The following STIM1 variants were observed in gnomAD, a reference collection of about 807,000 sequenced individuals.
STIM1 encodes the protein stromal interaction molecule 1.
A neutral mutation model predicts 74.7 loss-of-function variants in STIM1; 25 were observed. The ratio of observed to expected loss-of-function variants is 0.33; its 90% confidence interval spans 0.24 to 0.47. STIM1 has a LOEUF of 0.47. STIM1 is among the 20% of genes least tolerant of loss of function. The pLI is 1.00. For synonymous variants in STIM1, 328 were observed against 348.8 expected, an observed-to-expected ratio of 0.94 and a Z score of 0.66; for missense variants, 728 against 920.8, an observed-to-expected ratio of 0.79 and a Z score of 2.71.
chr11:3,904,252 C>T (rs900157836), intron 1 of STIM1, among the ~76,000 whole-genome samples: 12 of 145,422 alleles, frequency 8.3e-5, no homozygotes, highest in African/African-American at 2.8e-4. Context: ...GAAGGAGGGT[C>T]TAAATACTTA....
At chr11:4,012,282 G>A (rs1019126777) in intron 2 of STIM1, among the ~76,000 whole-genome samples, 10 of 152,146 alleles carry the variant, frequency 6.6e-5, no homozygotes, top group African/African-American at 2.2e-4. Context: ...TAGCTTGATG[G>A]GGATAGCATT....
At chr11:4,024,180 T>C (rs1372338391) in intron 3 of STIM1, among the ~76,000 whole-genome samples, 193 bp downstream of exon 3, 2 of 152,086 alleles carry the variant, frequency 1.3e-5, no homozygotes, top group African/African-American at 2.4e-5. Context: ...TTCTCCAGAG[T>C]TGGCGTTTTT....
intron 3 of STIM1, among the ~76,000 whole-genome samples, chr11:4,037,330 C>T (rs974799169): frequency 2.0e-5 from 3 of 152,126 alleles, no homozygotes; most frequent in Non-Finnish European, 2.9e-5. Flanking sequence ...GAATTACAGG[C>T]GTGAGCCACT....
intron 3 of STIM1, among the ~76,000 whole-genome samples, chr11:4,027,569 C>T (rs759299801): frequency 1.3e-5 from 2 of 152,164 alleles, no homozygotes; most frequent in South Asian, 2.1e-4. Context: ...CCACCTCGGC[C>T]TCCCAAAGTG....
intron 2 of STIM1, among the ~76,000 whole-genome samples, chr11:4,002,927 A>G (rs1182845714): frequency 2.1e-5 from 3 of 141,258 alleles, no homozygotes; most frequent in Non-Finnish European, 4.7e-5. Flanking sequence ...TCCCACAGAA[A>G]TACAAACTAC....
chr11:3,856,382 G>C lies in STIM1; in HGVS notation c.112G>C (p.Ala38Pro), dbSNP rs774499633. 1.2e-6 allele frequency: 2 copies of C among 1,614,008 alleles called. No individual in the cohort carries two copies. Among genetic ancestry groups the C allele is most frequent in the African/African-American group, 2.7e-5 (2 of 74,944 alleles). ...SEKATGTSSG[A>P]NSEESTAAEF... ...GAAGGCGACAGGAACCAGCTCGGGG[G>C]CCAACTCTGAGGAGTCCACTGCAGC... Residue 38 changes from alanine to proline, a missense_variant, in exon 1 of 13, where the codon GCC (alanine) becomes CCC (proline). Around this residue, in one of 5 missense-constraint regions of STIM1, gnomAD observed 62 missense variants for 55.5 expected, o/e 1.12. Coordinates refer to ENST00000526596, the MANE Select transcript of STIM1 (RefSeq NM_001382567.1).
intron 2 of STIM1, among the ~76,000 whole-genome samples, chr11:3,987,737 G>A (rs2093570331): frequency 6.6e-6 from 1 of 151,852 alleles, no homozygotes; most frequent in South Asian, 2.1e-4. Context: ...AACTCCCAAT[G>A]CCTGCACTAT....
At chr11:3,866,444 T>C (rs1450621683) in intron 1 of STIM1, among the ~76,000 whole-genome samples, 1 of 151,460 alleles carries the variant, frequency 6.6e-6, no homozygotes, top group African/African-American at 2.4e-5. Flanking sequence ...TTTTTTTTTT[T>C]TGTGACAGAG....
intron 1 of STIM1, among the ~76,000 whole-genome samples, chr11:3,901,364 A>G (rs117527293): frequency 5.3e-5 from 8 of 152,120 alleles, no homozygotes; most frequent in African/African-American, 1.7e-4. Flanking sequence ...TTTATCCTCA[A>G]AAACCACCTA....
chr11:3,965,871 G>A (rs573435448), intron 1 of STIM1, among the ~76,000 whole-genome samples: 72 of 152,280 alleles, frequency 4.7e-4, no homozygotes, highest in African/African-American at 1.7e-3. Context: ...GCCGGGCGTG[G>A]TGGCGCATGC....
intron 2 of STIM1, among the ~76,000 whole-genome samples, chr11:4,015,688 A>G (rs2093889510): frequency 6.6e-6 from 1 of 152,144 alleles, no homozygotes; most frequent in African/African-American, 2.4e-5. Flanking sequence ...CACCAATCAG[A>G]CGTAGATTTG....
intron 1 of STIM1, among the ~76,000 whole-genome samples, chr11:3,896,334 T>C (rs1353250480): frequency 6.6e-6 from 1 of 152,198 alleles, no homozygotes; most frequent in Non-Finnish European, 1.5e-5. Flanking sequence ...GGTAATTTAT[T>C]TTTTAATCTC....
intron 2 of STIM1, among the ~76,000 whole-genome samples, chr11:4,008,445 C>T (rs1456885968): frequency 1.3e-5 from 2 of 152,098 alleles, no homozygotes; most frequent in African/African-American, 2.4e-5. Context: ...TATTTCTGGT[C>T]ACAAAAACAT....
chr11:4,055,548 G>C lies in STIM1; in HGVS notation c.408G>C (p.Glu136Asp), dbSNP rs200648767. ...SSEVYNWTVD[E>D]VVQWLITYVE... is the part of the protein sequence containing the mutation. The stretch of plus-strand genomic sequence containing the variant: ...CAGTATACAATTGGACCGTGGATGA[G>C]GTGGTACAGTGGCTGATCACATATG... The change falls in exon 4 of 13, where the codon GAG (glutamate) becomes GAC (aspartate). Residue 136 changes from glutamate (E) to aspartate (D), a missense_variant. Transcript: ENST00000526596. 1.0e-4 allele frequency: 163 copies of C among 1,600,730 alleles called. 1 individual carries two copies. The highest frequency in any genetic ancestry group is 9.0e-5 in the East Asian group (4 of 44,662).
At chr11:4,038,887 A>G (rs1051364842) in intron 3 of STIM1, among the ~76,000 whole-genome samples, 1 of 152,194 alleles carries the variant, frequency 6.6e-6, no homozygotes, top group Admixed American at 6.5e-5. Flanking sequence ...TAGGGCATCA[A>G]ATTTCTGGGT....
chr11:4,018,501 C>T (rs1228507190), intron 2 of STIM1, among the ~76,000 whole-genome samples: 7 of 148,564 alleles, frequency 4.7e-5, no homozygotes, highest in African/African-American at 1.5e-4. Context: ...CAAAATTAGC[C>T]AGGAGTGGTG....
intron 1 of STIM1, among the ~76,000 whole-genome samples, chr11:3,950,134 ATTT>A (rs574446467): frequency 5.3e-5 from 7 of 132,192 alleles, no homozygotes; most frequent in Admixed American, 7.6e-5. Flanking sequence ...TAGGTCATTC[ATTT>A]TTTTTTTTTT....
At chr11:4,044,380 C>T (rs2094173859) in intron 3 of STIM1, among the ~76,000 whole-genome samples, 1 of 116,810 alleles carries the variant, frequency 8.6e-6, no homozygotes, top group African/African-American at 2.8e-5. Context: ...GGGATTCTTC[C>T]TATCTTCTCT....
intron 1 of STIM1, among the ~76,000 whole-genome samples, chr11:3,900,136 T>C (rs2092309899): frequency 6.6e-6 from 1 of 152,136 alleles, no homozygotes; most frequent in Non-Finnish European, 1.5e-5. Flanking sequence ...GCCTGGGCAA[T>C]GGCAGACGAC....
Sources: gnomAD v4.1 joint callset for allele counts (sites outside exome capture counted in the v4.1 genomes callset) on GRCh38, gnomAD v4.1.1 for gene constraint, gnomAD v4.1.1 regional missense constraint, MANE v1.5 for transcripts, NCBI Gene and HGNC (gene_info 2026-07-23, HGNC 2026-07-21) for gene names.